ADCY9: variants seen among roughly 807,000 people sequenced by gnomAD.
The protein encoded by ADCY9 is adenylate cyclase 9.
A neutral mutation model predicts 101.5 loss-of-function variants in ADCY9; 50 were observed. That is an observed-to-expected ratio of 0.49 (90% CI 0.39 to 0.62). The LOEUF (loss-of-function observed/expected upper bound fraction) is 0.62, where lower values mean the gene tolerates loss of function less well. Among genes scored for constraint, ADCY9 ranks in the 20% least tolerant of loss-of-function variants. ADCY9 has a pLI of 0.00. For synonymous variants in ADCY9, 905 were observed against 769.3 expected, an observed-to-expected ratio of 1.18 and a Z score of -2.92; for missense variants, 1,662 against 1,800.4, an observed-to-expected ratio of 0.92 and a Z score of 1.39.
rs1322183022 is a variant in ADCY9, at chr16:4,116,280, C to T, written c.-634G>A. The T allele has an allele frequency of 1.4e-5, 2 of 146,020 alleles. No homozygotes were observed. The highest frequency in any genetic ancestry group is 6.8e-5 in the Admixed American group (1 of 14,688). 9.0% of individuals were successfully genotyped at this position (146,020 alleles called of 1,614,324 possible). ...CCGCAGAGCCGGGCTCCCGCGACGC[C>T]GGCCGGGACGCCCGCCCGCCCGCGC... is the stretch of plus-strand genomic sequence containing the variant. On this transcript the variant is annotated 5_prime_UTR_variant, in exon 1 of 11. Coordinates refer to ENST00000294016, the MANE Select transcript of ADCY9 (RefSeq NM_001116.4).
At chr16:3,976,647 T>TTTGA (rs1216704508) in intron 9 of ADCY9, among the ~76,000 whole-genome samples, 1 of 152,090 alleles carries the variant, frequency 6.6e-6, no homozygotes, top group Non-Finnish European at 1.5e-5. Flanking sequence ...GGGGAACTGT[T>TTTGA]TTGACCTATT....
intron 2 of ADCY9, among the ~76,000 whole-genome samples, chr16:4,056,392 G>A (rs1047701181): frequency 1.3e-5 from 2 of 152,084 alleles, no homozygotes; most frequent in African/African-American, 2.4e-5. Flanking sequence ...TAGCTGGGAC[G>A]ATAGGCGTGC....
At chr16:4,031,637 A>G (rs1351506608) in intron 2 of ADCY9, among the ~76,000 whole-genome samples, 1 of 152,154 alleles carries the variant, frequency 6.6e-6, no homozygotes, top group East Asian at 1.9e-4. Flanking sequence ...GAATCGCAGC[A>G]CTTTGGGAGG....
chr16:3,971,548 A>AT (rs1466053540), intron 10 of ADCY9, among the ~76,000 whole-genome samples: 11 of 152,178 alleles, frequency 7.2e-5, no homozygotes, highest in Non-Finnish European at 1.5e-5. Flanking sequence ...CCTACATCTC[A>AT]AGTACTAAGC....
chr16:4,090,062 T>A (rs886211271), intron 2 of ADCY9, among the ~76,000 whole-genome samples: 8 of 152,112 alleles, frequency 5.3e-5, no homozygotes, highest in African/African-American at 1.9e-4. Flanking sequence ...CCAGCTGCCC[T>A]ACAGGCCATT....
intron 2 of ADCY9, among the ~76,000 whole-genome samples, chr16:4,011,637 C>A (rs1017861805): frequency 1.3e-5 from 2 of 152,182 alleles, no homozygotes; most frequent in Non-Finnish European, 2.9e-5. Flanking sequence ...CCCCCTAATC[C>A]CGTGATCTAA....
At chr16:4,014,241 C>T (rs2141728773) in intron 2 of ADCY9, among the ~76,000 whole-genome samples, 1 of 151,464 alleles carries the variant, frequency 6.6e-6, no homozygotes, top group East Asian at 2.0e-4. Context: ...ATTGCTTGAA[C>T]CCAGGAGGCG....
Position 3,983,485 on chromosome 16 carries a change from C to T in ADCY9, c.2311-45G>A, listed in dbSNP as rs202176188. 1.2e-4 allele frequency: 178 copies of T among 1,502,170 alleles called. 1 individual carries two copies. Among genetic ancestry groups the T allele is most frequent in the South Asian group, 1.1e-4 (9 of 83,686 alleles). 93.1% of individuals were successfully genotyped at this position (1,502,170 alleles called of 1,614,324 possible). On this transcript the variant is annotated intron_variant, in intron 6 of 10. Transcript: ENST00000294016. ...AGCAGAATGACTGGGAGGCCATGGG[C>T]GGCCAGGAGCGCAGTTCAGATGGAG... is the stretch of plus-strand genomic sequence containing the variant.
At chr16:4,056,970 C>T (rs1268344660) in intron 2 of ADCY9, among the ~76,000 whole-genome samples, 1 of 148,984 alleles carries the variant, frequency 6.7e-6, no homozygotes, top group Admixed American at 6.9e-5. Flanking sequence ...TGCCATGACA[C>T]ATGGCGAGTC....
rs546620552 is a variant in ADCY9, at chr16:3,992,634, C to T, written c.1990-271G>A. Among the ~76,000 whole-genome samples the T allele has an allele frequency of 3.3e-5, 5 of 152,154 alleles. No homozygotes were observed. Among genetic ancestry groups the T allele is most frequent in the East Asian group, 3.9e-4 (2 of 5,158 alleles). Reference sequence around the variant, plus strand: ...CAGGACATTGAGACATGGGAAGAGTCGGTGCGGAGGTGGAGGGGAAGGGAG... The same window carrying T: ...CAGGACATTGAGACATGGGAAGAGTTGGTGCGGAGGTGGAGGGGAAGGGAG... On this transcript the variant is annotated intron_variant, in intron 4 of 10. Transcript: ENST00000294016. This position sits in a 1 kb window ranked among gnomAD's most constrained non-coding sequence, Gnocchi z 4.2.
intron 2 of ADCY9, among the ~76,000 whole-genome samples, chr16:4,027,688 C>T (rs1050917668): frequency 6.6e-6 from 1 of 152,070 alleles, no homozygotes; most frequent in Non-Finnish European, 1.5e-5. Flanking sequence ...ACCAGCCTGG[C>T]CAACATGGTG....
intron 2 of ADCY9, among the ~76,000 whole-genome samples, chr16:4,077,717 A>G (rs867781843): frequency 5.3e-5 from 8 of 152,310 alleles, no homozygotes; most frequent in Non-Finnish European, 8.8e-5. Flanking sequence ...AATCAGACAC[A>G]GGCCAGGCGC....
chr16:4,110,564 A>G (rs2141208974), intron 2 of ADCY9, among the ~76,000 whole-genome samples: 1 of 151,764 alleles, frequency 6.6e-6, no homozygotes, highest in South Asian at 2.1e-4. Context: ...TAATTTTTGT[A>G]TTTTTAGTAG....
rs759778336 is a variant in ADCY9 at position 3,965,796 on chromosome 16, G to C, written c.4041C>G (p.Leu1347=). 3 of 1,613,300 alleles carry C rather than the reference G, an allele frequency of 1.9e-6. No individual in the cohort carries two copies. Among genetic ancestry groups the C allele is most frequent in the East Asian group, 2.2e-5 (1 of 44,876 alleles). The change falls in exon 11 of 11, where the codon CTC becomes CTG. Residue 1347 remains leucine (L), a synonymous_variant. Coordinates refer to ENST00000294016, the MANE Select transcript of ADCY9 (RefSeq NM_001116.4). The part of the protein sequence containing the change: ...GIEEANELTK[L]NVSKSV ...CGCCTCACACACTCTTTGAAACGTT[G>C]AGCTTGGTGAGTTCGTTGGCTTCTT...
chr16:3,974,297 GCCTC>G (rs2056076281), intron 10 of ADCY9, among the ~76,000 whole-genome samples: 1 of 152,194 alleles, frequency 6.6e-6, no homozygotes, highest in Admixed American at 6.5e-5. Flanking sequence ...GCCCGCCTCG[GCCTC>G]CCAAAATGCT....
At chr16:4,069,531 T>A (rs949500782) in intron 2 of ADCY9, among the ~76,000 whole-genome samples, 1 of 152,136 alleles carries the variant, frequency 6.6e-6, no homozygotes, top group Admixed American at 6.6e-5. Flanking sequence ...ATATATTCTA[T>A]GAACAATGAA....
chr16:4,035,125 G>C (rs2056580783), intron 2 of ADCY9, among the ~76,000 whole-genome samples: 1 of 152,204 alleles, frequency 6.6e-6, no homozygotes, highest in South Asian at 2.1e-4. Context: ...TCAAGTCCCT[G>C]ATGGTGGCAC....
chr16:4,054,485 C>A (rs1300359516), intron 2 of ADCY9, among the ~76,000 whole-genome samples: 1 of 152,120 alleles, frequency 6.6e-6, no homozygotes, highest in Non-Finnish European at 1.5e-5. Flanking sequence ...TACTCTCTGC[C>A]CATTTCGCAA....
In ADCY9 at chr16:3,992,509, C is replaced by G. The variant is rs747380649; in HGVS notation, c.1990-146G>C. ...CTGACCTGCGAGGAACCCCCACCCCCCTGCGCCTACAGACCTGCTCCAATC... is the reference window on the plus strand; with the variant it reads ...CTGACCTGCGAGGAACCCCCACCCCGCTGCGCCTACAGACCTGCTCCAATC... On this transcript the variant is annotated intron_variant, in intron 4 of 10. Transcript: ENST00000294016. The surrounding 1 kb of genome is among the most constrained non-coding windows in gnomAD (Gnocchi z 4.2). The G allele has an allele frequency of 5.9e-5, 42 of 709,438 alleles. No individual in the cohort carries two copies. The highest frequency in any genetic ancestry group is 7.7e-5 in the Non-Finnish European group (33 of 431,242). 43.9% of individuals were successfully genotyped at this position (709,438 alleles called of 1,614,324 possible).
Sources: allele counts gnomAD v4.1 joint callset (sites outside exome capture counted in the v4.1 genomes callset), GRCh38; gene constraint gnomAD v4.1.1; non-coding constraint Gnocchi (gnomAD v3.1); transcripts MANE v1.5; gene names NCBI Gene and HGNC (gene_info 2026-07-23, HGNC 2026-07-21).